CREB1: variants seen among roughly 807,000 people sequenced by gnomAD.
The protein encoded by CREB1 is cyclic AMP-responsive element-binding protein 1.
CREB1 carries 2 observed loss-of-function variants against 42.0 expected under a neutral mutation model. The ratio of observed to expected loss-of-function variants is 0.05; its 90% CI spans 0.02 to 0.15. The LOEUF is 0.15. CREB1 is among the 10% of genes least tolerant of loss of function. The pLI is 1.00. For missense variants in CREB1, 199 were observed against 388.9 expected (o/e 0.51, Z 4.11); for synonymous variants, 123 against 139.9 (o/e 0.88, Z 0.85).
intron 1 of CREB1, among the ~76,000 whole-genome samples, chr2:207,542,171 C>G (rs1182286291): frequency 6.6e-6 from 1 of 152,108 alleles, no homozygotes; most frequent in Non-Finnish European, 1.5e-5. Context: ...TGAGTATATA[C>G]TCAGGAATGG....
chr2:207,568,082 T>G (rs1660290849), intron 4 of CREB1: 1 of 152,142 alleles, frequency 6.6e-6, no homozygotes, highest in African/African-American at 2.4e-5. Flanking sequence ...CAAAACCATT[T>G]TTTAATGTAA....
intron 5 of CREB1, among the ~76,000 whole-genome samples, chr2:207,572,320 G>A: frequency 6.6e-6 from 1 of 151,610 alleles, no homozygotes; most frequent in Admixed American, 6.6e-5. Context: ...ATGTACACAT[G>A]GCTTTGGCTT....
chr2:207,568,891 G>A (rs549750294), intron 4 of CREB1, among the ~76,000 whole-genome samples: 2 of 151,718 alleles, frequency 1.3e-5, no homozygotes, highest in Non-Finnish European at 2.9e-5. Context: ...AGTCAGAATT[G>A]CACAAAAAAA....
At chr2:207,567,972 G>A (rs1264534406) in intron 4 of CREB1, 1 of 152,824 alleles carries the variant, frequency 6.5e-6, no homozygotes, top group Non-Finnish European at 1.5e-5. Flanking sequence ...GTCTCAGGGA[G>A]ATGCTTTACT....
chr2:207,543,497 A>G (rs1313023714), intron 1 of CREB1, among the ~76,000 whole-genome samples: 1 of 152,234 alleles, frequency 6.6e-6, no homozygotes, highest in Non-Finnish European at 1.5e-5. Context: ...TGATGTGTGT[A>G]GAAACTCACA....
chr2:207,603,533 A>G lies in CREB1; in HGVS notation c.*6475A>G. ...ATTGGACTTAAAGTTACAATATATTACAAGCTTGTGTTGGAAGGCAGCAAA... is the reference window on the plus strand; with the variant it reads ...ATTGGACTTAAAGTTACAATATATTGCAAGCTTGTGTTGGAAGGCAGCAAA... On this transcript the variant is annotated 3_prime_UTR_variant, in exon 8 of 8. Transcript: ENST00000353267. 1 of 224,164 alleles carries G rather than the reference A, an allele frequency of 4.5e-6. No homozygotes were observed. Among genetic ancestry groups the G allele is most frequent in the Non-Finnish European group, 8.9e-6 (1 of 112,402 alleles). The allele number at this position is 224,164 out of a possible 1,614,324, so 13.9% of individuals were successfully genotyped here. A position where few individuals can be genotyped will look rare whatever the true frequency, so the allele number is the denominator to read the frequency against.
At position 207,603,578 on chromosome 2, in the gene CREB1, T is replaced by C. The variant is rs1268021506; in HGVS notation, c.*6520T>C. ...AGCAAAACTAATTCAGACAACAACA[T>C]GTCTTCAGTTACTGGATCCCTAATT... On this transcript the variant is annotated 3_prime_UTR_variant, in exon 8 of 8. Transcript: ENST00000353267. The C allele has an allele frequency of 1.3e-5, 3 of 224,238 alleles. No homozygotes were observed. Among genetic ancestry groups the C allele is most frequent in the Non-Finnish European group, 2.7e-5 (3 of 112,518 alleles). The allele number at this position is 224,238 out of a possible 1,614,324, so 13.9% of individuals were successfully genotyped here.
intron 6 of CREB1, 58 bp from the exon 7 acceptor site, chr2:207,577,447 C>G (rs1333151390): frequency 7.6e-6 from 12 of 1,578,086 alleles, no homozygotes; most frequent in Non-Finnish European, 1.0e-5. Flanking sequence ...GATTGATACA[C>G]ATAATTGAAT....
At chr2:207,556,632 G>C (rs552304832) in intron 2 of CREB1, among the ~76,000 whole-genome samples, 1 of 152,344 alleles carries the variant, frequency 6.6e-6, no homozygotes, top group African/African-American at 2.4e-5. Flanking sequence ...CAAGAATATA[G>C]TCAGAAGGAG....
At chr2:207,531,153 C>T (rs1201608685) in intron 1 of CREB1, among the ~76,000 whole-genome samples, 1 of 152,096 alleles carries the variant, frequency 6.6e-6, no homozygotes, top group African/African-American at 2.4e-5. Context: ...ATCTATCATT[C>T]TGAAACACTT....
rs369912185 is a variant in CREB1, at chr2:207,589,931, AGG to A, written c.840-6981_840-6980del. Among the ~76,000 whole-genome samples the A allele has an allele frequency of 5.9e-5, 9 of 152,236 alleles. No homozygotes were observed. The East Asian group carries it at 1.5e-3, about 26-fold the overall frequency. On this transcript the variant is annotated intron_variant, in intron 7 of 7. Transcript: ENST00000353267. ...GTTTCTTTGCCGTGAGTTTGTTATT[AGG>A]GTAATGCTGACCTTATAAATGAGGT... is the stretch of plus-strand genomic sequence containing the variant.
At position 207,546,546 on chromosome 2, in the gene CREB1, G is replaced by A. The variant is rs1196673812; in HGVS notation, c.-8-9082G>A. On this transcript the variant is annotated intron_variant, in intron 1 of 7. Transcript: ENST00000353267. ...GTTTGAGACCAGCCTGGCCAACGTT[G>A]TGAAACCCCATCTCTACTAAAAATA... Among the ~76,000 whole-genome samples, 7 of 152,028 alleles carry A rather than the reference G, an allele frequency of 4.6e-5. No individual in the cohort carries two copies. The East Asian group carries it at 1.3e-3, about 29-fold the overall frequency.
In CREB1 at chr2:207,600,360, G is replaced by A. The variant is rs1460634774; in HGVS notation, c.*3302G>A. On this transcript the variant is annotated 3_prime_UTR_variant, in exon 8 of 8. Coordinates refer to ENST00000353267, the MANE Select transcript of CREB1 (RefSeq NM_004379.5). ...CAGATGAAATTTTACATTTTTGTGT[G>A]TTCTGTTGCATTCCTTCTGGTAGTT... 1.1e-5 allele frequency: 2 copies of A among 186,534 alleles called. No homozygotes were observed. Among genetic ancestry groups the A allele is most frequent in the Non-Finnish European group, 2.3e-5 (2 of 88,580 alleles). The allele number at this position is 186,534 out of a possible 1,614,324, so 11.6% of individuals were successfully genotyped here. A position where few individuals can be genotyped will look rare whatever the true frequency, so the allele number is the denominator to read the frequency against.
In CREB1 at chr2:207,600,906, T is replaced by C. The variant is rs2086934865; in HGVS notation, c.*3848T>C. 4.9e-6 allele frequency: 1 copy of C among 202,096 alleles called. No individual in the cohort carries two copies. Among genetic ancestry groups the C allele is most frequent in the South Asian group, 1.9e-4 (1 of 5,260 alleles). 12.5% of individuals were successfully genotyped at this position (202,096 alleles called of 1,614,324 possible). On this transcript the variant is annotated 3_prime_UTR_variant, in exon 8 of 8. Coordinates refer to ENST00000353267, the MANE Select transcript of CREB1 (RefSeq NM_004379.5). ...ACCAGGATGCTTTACTTACTTGAAG[T>C]GACTTCAATCTAGATTTCTTTTAAT...
intron 4 of CREB1, among the ~76,000 whole-genome samples, chr2:207,569,831 G>A (rs1005421046): frequency 1.3e-5 from 2 of 151,834 alleles, no homozygotes; most frequent in Admixed American, 1.3e-4. Flanking sequence ...ATCACATGAG[G>A]TCAGGAGTTC....
chr2:207,544,601 G>A (rs1344810725), intron 1 of CREB1, among the ~76,000 whole-genome samples: 2 of 152,122 alleles, frequency 1.3e-5, no homozygotes, highest in East Asian at 3.9e-4. Flanking sequence ...AGGATGTGCA[G>A]GTTTGTTACA....
intron 3 of CREB1, among the ~76,000 whole-genome samples, chr2:207,563,503 C>G (rs1170277750): frequency 2.0e-5 from 3 of 152,096 alleles, no homozygotes; most frequent in African/African-American, 7.2e-5. Context: ...TTGGTAGATG[C>G]AAATGAAAAT....
At chr2:207,540,040 C>A (rs544867529) in intron 1 of CREB1, among the ~76,000 whole-genome samples, 1 of 152,174 alleles carries the variant, frequency 6.6e-6, no homozygotes, top group Non-Finnish European at 1.5e-5. Context: ...ACTCCCAATT[C>A]TTCTCCTTAG....
chr2:207,599,713 T>C lies in CREB1; in HGVS notation c.*2655T>C, dbSNP rs2086723699. 5.1e-6 allele frequency: 1 copy of C among 196,676 alleles called. No homozygotes were observed. The highest frequency in any genetic ancestry group is 6.1e-5 in the Admixed American group (1 of 16,444). 12.2% of individuals were successfully genotyped at this position (196,676 alleles called of 1,614,324 possible). Reference sequence around the variant, plus strand: ...CAGTTTTCTTTTTTTAATGCAAGAATGGTGGGGAGGTTTGTTTGTAAGCAT... The same window carrying C: ...CAGTTTTCTTTTTTTAATGCAAGAACGGTGGGGAGGTTTGTTTGTAAGCAT... On this transcript the variant is annotated 3_prime_UTR_variant, in exon 8 of 8. Transcript: ENST00000353267.
Sources: allele counts gnomAD v4.1 joint callset (sites outside exome capture counted in the v4.1 genomes callset), GRCh38; gene constraint gnomAD v4.1.1; transcripts MANE v1.5; gene names NCBI Gene and HGNC (gene_info 2026-07-23, HGNC 2026-07-21).